Variants in FGD4 observed in about 807,000 individuals in gnomAD.
FGD4 encodes the protein FYVE, RhoGEF and PH domain containing 4.
In FGD4, 42 loss-of-function variants were observed where a neutral mutation model predicts 102.0. That is an observed-to-expected ratio of 0.41 (90% CI 0.32 to 0.53). The LOEUF (loss-of-function observed/expected upper bound fraction) is 0.53, where lower values mean the gene tolerates loss of function less well. FGD4 is among the 20% of genes least tolerant of loss of function. The pLI, the probability that FGD4 is intolerant of heterozygous loss-of-function variation, is 0.21. For synonymous variants in FGD4, 380 were observed against 375.7 expected (o/e 1.01, Z -0.13); for missense variants, 902 against 1,078.2 (o/e 0.84, Z 2.29).
At chr12:32,511,195 A>G (rs1939324210) in intron 1 of FGD4, 1 of 152,266 alleles carries the variant, frequency 6.6e-6, no homozygotes, top group African/African-American at 2.4e-5. Flanking sequence ...TGAGATGAGC[A>G]TGAAGCGGTG....
Sources: allele counts gnomAD v4.1 joint callset, GRCh38; gene constraint gnomAD v4.1.1; transcripts MANE v1.5; gene names NCBI Gene and HGNC (gene_info 2026-07-23, HGNC 2026-07-21).